Variants in CYTH3 observed in about 807,000 individuals in gnomAD.
CYTH3 encodes the protein cytohesin 3, also known as cytohesin-3.
CYTH3 carries 23 observed loss-of-function variants against 55.1 expected under a neutral mutation model. That is an observed-to-expected ratio of 0.42 (90% CI 0.30 to 0.59). The LOEUF is 0.59. Among genes scored for constraint, CYTH3 ranks in the 20% least tolerant of loss-of-function variants. CYTH3 has a pLI of 0.20. For missense variants in CYTH3, 413 were observed against 524.8 expected (o/e 0.79, Z 2.08); for synonymous variants, 249 against 194.9 (o/e 1.28, Z -2.31).
chr7:6,268,930 CAAATAGAGGGTA>C (rs1780579524), intron 1 of CYTH3, among the ~76,000 whole-genome samples: 2 of 152,132 alleles, frequency 1.3e-5, no homozygotes, highest in African/African-American at 4.8e-5. Context: ...TACCACTTCT[CAAATAGAGGGTA>C]AAAGGGAGGA....
chr7:6,236,360 CTGACT>C (rs1779523255), intron 1 of CYTH3, among the ~76,000 whole-genome samples: 1 of 113,588 alleles, frequency 8.8e-6, no homozygotes, highest in Admixed American at 1.0e-4. Flanking sequence ...CACACTACGC[CTGACT>C]TTTTTTTTTT....
At chr7:6,176,800 T>C (rs1583745263) in intron 5 of CYTH3, among the ~76,000 whole-genome samples, 6 of 152,318 alleles carry the variant, frequency 3.9e-5, no homozygotes, top group Admixed American at 3.9e-4. Flanking sequence ...TCGTTCCTGA[T>C]CTTAGCAGGA....
At position 6,169,802 on chromosome 7, in the gene CYTH3, G is replaced by C. The variant is rs776691839; in HGVS notation, c.823+733C>G. On this transcript the variant is annotated intron_variant, in intron 9 of 12. Transcript: ENST00000350796. This position sits in a 1 kb window ranked among gnomAD's most constrained non-coding sequence, Gnocchi z 4.1. ...GGGTGACGCCGCAGGGACAGGGCTG[G>C]CTGTCTGCTTCTCTACTGCTGCGGA... 2.0e-5 allele frequency among the ~76,000 whole-genome samples: 3 copies of C among 152,188 alleles called. No homozygotes were observed. Among genetic ancestry groups the C allele is most frequent in the East Asian group, 3.9e-4 (2 of 5,180 alleles).
chr7:6,259,808 TA>T (rs1307090891), intron 1 of CYTH3, among the ~76,000 whole-genome samples: 4 of 30,254 alleles, frequency 1.3e-4, no homozygotes, highest in African/African-American at 1.1e-3. Flanking sequence ...TATATATATA[TA>T]TATAATATAT....
chr7:6,224,692 T>C (rs983377411), intron 1 of CYTH3, among the ~76,000 whole-genome samples: 3 of 152,246 alleles, frequency 2.0e-5, no homozygotes. Flanking sequence ...GAACCACTAG[T>C]AATTCTACTT....
intron 1 of CYTH3, among the ~76,000 whole-genome samples, chr7:6,265,700 G>A (rs1780475421): frequency 6.6e-6 from 1 of 151,992 alleles, no homozygotes; most frequent in Non-Finnish European, 1.5e-5. Flanking sequence ...AAGGTGGTCT[G>A]AGAATAGGAT....
At chr7:6,187,216 G>A in intron 3 of CYTH3, 100 bp from the exon 4 acceptor site, 1 of 1,324,842 alleles carries the variant, frequency 7.5e-7, no homozygotes, top group African/African-American at 1.4e-5. Flanking sequence ...ACGGGCTCAA[G>A]GAAGCGAAGC....
At position 6,235,303 on chromosome 7, in the gene CYTH3, G is replaced by A. The variant is rs545072956; in HGVS notation, c.34+37171C>T. On this transcript the variant is annotated intron_variant, in intron 1 of 12. Coordinates refer to ENST00000350796, the MANE Select transcript of CYTH3 (RefSeq NM_004227.4). ...ACAGCCTGGCCAAAGTGGTGAAACC[G>A]ATGTCTCTACTAAAAATACAAAAAT... Among the ~76,000 whole-genome samples the A allele has an allele frequency of 6.6e-5, 10 of 151,970 alleles. No homozygotes were observed. In the South Asian group the frequency reaches 8.4e-4, roughly 13 times the overall value.
intron 1 of CYTH3, among the ~76,000 whole-genome samples, chr7:6,196,438 C>A (rs140905246): frequency 2.3e-4 from 34 of 149,860 alleles, no homozygotes; most frequent in African/African-American, 8.4e-4. Context: ...TCTGAGGGAG[C>A]ATCTTTTTTC....
chr7:6,265,242 GAA>G (rs34132679), intron 1 of CYTH3, among the ~76,000 whole-genome samples: 1 of 143,270 alleles, frequency 7.0e-6, no homozygotes, highest in African/African-American at 2.5e-5. Flanking sequence ...AAAAGGTTAT[GAA>G]AAAAAAAAAG....
At chr7:6,242,043 T>C (rs981394812) in intron 1 of CYTH3, among the ~76,000 whole-genome samples, 3 of 152,102 alleles carry the variant, frequency 2.0e-5, no homozygotes, top group African/African-American at 7.2e-5. Flanking sequence ...AAACACACCT[T>C]TACACAAAGG....
intron 2 of CYTH3, 141 bp from the exon 3 acceptor site, chr7:6,187,862 T>C (rs1783693629): frequency 2.8e-6 from 2 of 703,322 alleles, no homozygotes. Context: ...AATACTATTA[T>C]CAATACAGCT....
intron 1 of CYTH3, among the ~76,000 whole-genome samples, chr7:6,197,228 C>G (rs1562891809): frequency 6.6e-6 from 1 of 152,172 alleles, no homozygotes; most frequent in Non-Finnish European, 1.5e-5. Context: ...GTTTACTTTA[C>G]CAGTACTGCA....
intron 1 of CYTH3, among the ~76,000 whole-genome samples, chr7:6,228,717 A>C (rs564815973): frequency 2.4e-3 from 368 of 152,278 alleles, no homozygotes; most frequent in African/African-American, 8.3e-3. Context: ...AACCCCTCCC[A>C]CAGACCAGAT....
chr7:6,248,842 T>C (rs988046295), intron 1 of CYTH3, among the ~76,000 whole-genome samples: 4 of 152,218 alleles, frequency 2.6e-5, no homozygotes, highest in African/African-American at 9.7e-5. Flanking sequence ...CAGCTTTTCA[T>C]CTCTCTTTTT....
chr7:6,268,449 T>C lies in CYTH3; in HGVS notation c.34+4025A>G, dbSNP rs576892932. Among the ~76,000 whole-genome samples, 7 of 152,286 alleles carry C rather than the reference T, an allele frequency of 4.6e-5. No homozygotes were observed. In the South Asian group the frequency reaches 1.4e-3, roughly 32 times the overall value. On this transcript the variant is annotated intron_variant, in intron 1 of 12. Coordinates refer to ENST00000350796, the MANE Select transcript of CYTH3 (RefSeq NM_004227.4). ...CCTCCCAAAGTGCTAGGATTATAGG[T>C]GAGAGCCGCCGCGCCCGGCCTGCTC...
chr7:6,250,769 T>C (rs1779941884), intron 1 of CYTH3, among the ~76,000 whole-genome samples: 2 of 152,178 alleles, frequency 1.3e-5, no homozygotes, highest in Admixed American at 6.5e-5. Context: ...TCGCACAACT[T>C]TATGAATATA....
In CYTH3 at chr7:6,264,703, G is replaced by C. The variant is rs532139136; in HGVS notation, c.34+7771C>G. ...AAACATTGAAAGCAAAGAGCAAAAG[G>C]ACCAGGGATTGCTAGACACAAGTGA... On this transcript the variant is annotated intron_variant, in intron 1 of 12. Transcript: ENST00000350796. 1.5e-4 allele frequency among the ~76,000 whole-genome samples: 23 copies of C among 152,242 alleles called. No individual in the cohort carries two copies. The Middle Eastern group carries it at 0.024, about 159-fold the overall frequency.
At chr7:6,213,765 C>T (rs897085353) in intron 1 of CYTH3, among the ~76,000 whole-genome samples, 10 of 151,866 alleles carry the variant, frequency 6.6e-5, no homozygotes, top group African/African-American at 1.9e-4. Context: ...TACACCCAAG[C>T]AGAAGATTAA....
Sources: gnomAD v4.1 joint callset for allele counts (sites outside exome capture counted in the v4.1 genomes callset) on GRCh38, gnomAD v4.1.1 for gene constraint, Gnocchi (gnomAD v3.1) non-coding constraint, MANE v1.5 for transcripts, NCBI Gene and HGNC (gene_info 2026-07-23, HGNC 2026-07-21) for gene names.